Variants in MEGF11 observed in about 807,000 individuals in gnomAD.
MEGF11 encodes multiple epidermal growth factor-like domains protein 11.
A neutral mutation model predicts 146.6 loss-of-function variants in MEGF11; 126 were observed. The ratio of observed to expected loss-of-function variants is 0.86; its 90% CI spans 0.74 to 1.00. The LOEUF (loss-of-function observed/expected upper bound fraction) is 1.00. Among genes scored for constraint, MEGF11 ranks in the 50% least tolerant of loss-of-function variants. The pLI is 0.00. For synonymous variants in MEGF11, 532 were observed against 583.4 expected, an observed-to-expected ratio of 0.91 and a Z score of 1.27; for missense variants, 1,509 against 1,521.2, an observed-to-expected ratio of 0.99 and a Z score of 0.13.
intron 1 of MEGF11, among the ~76,000 whole-genome samples, chr15:66,142,937 T>G (rs1444680575): frequency 6.6e-6 from 1 of 152,210 alleles, no homozygotes; most frequent in Non-Finnish European, 1.5e-5. Context: ...TCTCTAGGCC[T>G]TAGCTTCCCC....
intron 1 of MEGF11, among the ~76,000 whole-genome samples, chr15:66,163,805 G>A (rs2090020573): frequency 6.6e-6 from 1 of 152,242 alleles, no homozygotes; most frequent in South Asian, 2.1e-4. Flanking sequence ...CTGGAGCAGA[G>A]TGAAGATCAG....
chr15:66,114,838 G>C (rs572836810), intron 4 of MEGF11, among the ~76,000 whole-genome samples: 1 of 152,322 alleles, frequency 6.6e-6, no homozygotes, highest in Admixed American at 6.5e-5. Flanking sequence ...GATGAGAATG[G>C]CAGTTCAAAG....
intron 5 of MEGF11, among the ~76,000 whole-genome samples, chr15:66,047,855 G>A (rs964858958): frequency 6.6e-6 from 1 of 152,226 alleles, no homozygotes; most frequent in Non-Finnish European, 1.5e-5. Flanking sequence ...CCTCCCGTGG[G>A]GCAGAAGCGT....
intron 1 of MEGF11, among the ~76,000 whole-genome samples, chr15:66,198,238 G>A (rs34393546): frequency 0.4 from 60,306 of 151,970 alleles, 12,404 homozygotes; most frequent in East Asian, 0.59. Flanking sequence ...CAACAGAGGC[G>A]GGGAGATTCT....
intron 1 of MEGF11, among the ~76,000 whole-genome samples, chr15:66,172,847 A>G (rs7183800): frequency 0.41 from 61,639 of 152,108 alleles, 12,981 homozygotes; most frequent in Non-Finnish European, 0.47. Flanking sequence ...CCTAGGTCAC[A>G]CGCAGTCACA....
chr15:65,906,202 GTGT>G lies in MEGF11; in HGVS notation c.2999-64_2999-62del. 2.3e-6 allele frequency: 3 copies of G among 1,279,016 alleles called. No homozygotes were observed. The South Asian group carries it at 3.9e-5, about 17-fold the overall frequency. The allele number at this position is 1,279,016 out of a possible 1,614,324, so 79.2% of individuals were successfully genotyped here. Reference sequence around the variant, plus strand: ...GGGGTGAGGTTTACTTAGACTGCTTGTGTTCTTCTTTCTTTTCTTGCTTTTCCC... The same window carrying G: ...GGGGTGAGGTTTACTTAGACTGCTTGTCTTCTTTCTTTTCTTGCTTTTCCC... On this transcript the variant is annotated intron_variant, in intron 23 of 25. Coordinates refer to ENST00000395614, the MANE Select transcript of MEGF11 (RefSeq NM_001385028.1).
At chr15:66,219,551 G>A (rs887796594) in intron 1 of MEGF11, among the ~76,000 whole-genome samples, 1 of 152,054 alleles carries the variant, frequency 6.6e-6, no homozygotes, top group Non-Finnish European at 1.5e-5. Flanking sequence ...AAGTACAAAC[G>A]CCACCACACC....
chr15:66,044,302 G>C (rs333599), intron 5 of MEGF11, among the ~76,000 whole-genome samples: 149,035 of 152,322 alleles, frequency 0.98, 72,994 homozygotes, highest in Middle Eastern at 1. Context: ...AGGGGCAATG[G>C]AGTAGACACT....
chr15:66,060,586 T>C (rs966183087), intron 5 of MEGF11, among the ~76,000 whole-genome samples: 1 of 152,214 alleles, frequency 6.6e-6, no homozygotes, highest in Non-Finnish European at 1.5e-5. Context: ...CTGTGAAGTG[T>C]ACCCTCCAGG....
intron 5 of MEGF11, among the ~76,000 whole-genome samples, chr15:65,992,460 G>GGGGGT (rs1555459394): frequency 7.0e-6 from 1 of 143,254 alleles, no homozygotes; most frequent in Non-Finnish European, 1.5e-5. Context: ...TGGGGGGGGG[G>GGGGGT]GTTAGTCACA....
intron 1 of MEGF11, among the ~76,000 whole-genome samples, chr15:66,241,669 A>G (rs989924251): frequency 6.6e-6 from 1 of 152,156 alleles, no homozygotes; most frequent in Non-Finnish European, 1.5e-5. Context: ...GCTCCTGTGC[A>G]CTGTGAAGCT....
intron 5 of MEGF11, among the ~76,000 whole-genome samples, chr15:66,072,598 A>T (rs1341129171): frequency 6.6e-6 from 1 of 152,248 alleles, no homozygotes; most frequent in Non-Finnish European, 1.5e-5. Context: ...AATAAGTGAC[A>T]TGTATTCCTG....
rs1312703392 is a variant in MEGF11, at chr15:65,965,606, TTTTTTTC to T, written c.900-493_900-487del. Reference sequence around the variant, plus strand: ...TTTCTTTCTTTCTTTCTTTCTTTTTTTTTTTTCTTTTTTTTTTTTTTGGCTCTTCTAT... The same window carrying T: ...TTTCTTTCTTTCTTTCTTTCTTTTTTTTTTTTTTTTTTTTGGCTCTTCTAT... On this transcript the variant is annotated intron_variant, in intron 8 of 25. Coordinates refer to ENST00000395614, the MANE Select transcript of MEGF11 (RefSeq NM_001385028.1). Among the ~76,000 whole-genome samples the T allele has an allele frequency of 1.4e-3, 123 of 89,272 alleles. 8 individuals are homozygous for T. The South Asian group carries it at 0.034, about 25-fold the overall frequency. The allele number at this position is 89,272 out of a possible 152,430, so 58.6% of individuals were successfully genotyped here. A position where few individuals can be genotyped will look rare whatever the true frequency, so the allele number is the denominator to read the frequency against.
At chr15:66,162,848 T>C (rs1271307632) in intron 1 of MEGF11, among the ~76,000 whole-genome samples, 1 of 151,636 alleles carries the variant, frequency 6.6e-6, no homozygotes, top group Admixed American at 6.6e-5. Context: ...GGAAAAGAAA[T>C]GAGAGAGAAA....
intron 4 of MEGF11, among the ~76,000 whole-genome samples, chr15:66,096,419 C>T (rs2086556170): frequency 6.6e-6 from 1 of 152,264 alleles, no homozygotes; most frequent in Non-Finnish European, 1.5e-5. Flanking sequence ...TTCATGGCCC[C>T]TTGGGCAGTG....
chr15:66,237,979 T>C (rs1031925391), intron 1 of MEGF11, among the ~76,000 whole-genome samples: 1 of 152,234 alleles, frequency 6.6e-6, no homozygotes, highest in African/African-American at 2.4e-5. Context: ...TAATAGAGGA[T>C]TGATTCGATG....
In MEGF11 at chr15:66,162,684, A is replaced by T. The variant is rs74019507; in HGVS notation, c.-8-34273T>A. On this transcript the variant is annotated intron_variant, in intron 1 of 25. Transcript: ENST00000395614. ...CAAAGGCACGAAGTAGCCTTCTAGG[A>T]TGATAAAAATGTCCTGTATCTTGGT... Among the ~76,000 whole-genome samples, 1,414 of 152,326 alleles carry T rather than the reference A, an allele frequency of 9.3e-3. 14 individuals are homozygous for T. The highest frequency in any genetic ancestry group is 0.03 in the African/African-American group (1,244 of 41,576).
intron 5 of MEGF11, among the ~76,000 whole-genome samples, chr15:66,023,414 G>A (rs2083227107): frequency 6.6e-6 from 1 of 152,222 alleles, no homozygotes; most frequent in Non-Finnish European, 1.5e-5. Context: ...GCTAGAGACT[G>A]TAACCATGTG....
intron 1 of MEGF11, among the ~76,000 whole-genome samples, chr15:66,170,362 G>A (rs747266474): frequency 6.6e-5 from 10 of 152,216 alleles, no homozygotes; most frequent in Non-Finnish European, 1.2e-4. Flanking sequence ...TGGGGGAACT[G>A]TGTGCAAGAC....
Sources: allele counts gnomAD v4.1 joint callset (sites outside exome capture counted in the v4.1 genomes callset), GRCh38; gene constraint gnomAD v4.1.1; transcripts MANE v1.5; gene names NCBI Gene and HGNC (gene_info 2026-07-23, HGNC 2026-07-21).